TKTL1: variants seen among roughly 807,000 people sequenced by gnomAD.
TKTL1 encodes transketolase like 1, also known as transketolase-like protein 1.
A neutral mutation model predicts 39.3 loss-of-function variants in TKTL1; 1 was observed. The observed-to-expected ratio is 0.03, with a 90% CI of 0.01 to 0.12. TKTL1 has a LOEUF of 0.12. Ranked by LOEUF, TKTL1 falls within the 10% of genes least tolerant of loss-of-function variation. TKTL1 has a pLI of 1.00. For missense variants in TKTL1, 575 were observed against 509.6 expected (o/e 1.13, Z -1.24); for synonymous variants, 262 against 193.8 (o/e 1.35, Z -2.92).
intron 11 of TKTL1, 50 bp downstream of exon 11, chrX:154,327,737 A>G (rs1557172264): frequency 5.1e-6 from 6 of 1,182,242 alleles, no homozygotes; most frequent in Admixed American, 2.2e-5. Context: ...AAGAGGTAGG[A>G]CTTCAGCTAC....
intron 1 of TKTL1, among the ~76,000 whole-genome samples, chrX:154,299,503 T>G (rs1325710689): frequency 3.6e-5 from 4 of 110,717 alleles, no homozygotes; most frequent in African/African-American, 1.3e-4. Context: ...ATAAGTTGTT[T>G]TTGCTTATGT....
intron 1 of TKTL1, among the ~76,000 whole-genome samples, chrX:154,297,483 C>T (rs2067239743): frequency 9.0e-6 from 1 of 110,970 alleles, no homozygotes; most frequent in African/African-American, 3.3e-5. Flanking sequence ...GTCTCGATCT[C>T]CTGACCTCGT....
At position 154,327,965 on chromosome X, in the gene TKTL1, G is replaced by GT. The variant is rs1557172357; in HGVS notation, c.1618+8dup. The GT allele has an allele frequency of 8.3e-7, 1 of 1,210,822 alleles. No homozygotes were observed. Among genetic ancestry groups the GT allele is most frequent in the East Asian group, 3.0e-5 (1 of 33,858 alleles). ...GAGGATCACTACCCGCAAGGTGTGT[G>GT]TGGGCATTGAGAATGCTTTGGAAGG... is the stretch of plus-strand genomic sequence containing the variant. On this transcript the variant is annotated splice_region_variant and intron_variant, in intron 12 of 12. Coordinates refer to ENST00000369915, the MANE Select transcript of TKTL1 (RefSeq NM_012253.4).
At chrX:154,321,060 T>A in intron 8 of TKTL1, 147 bp downstream of exon 8, 1 of 687,592 alleles carries the variant, frequency 1.5e-6, no homozygotes, top group Non-Finnish European at 2.1e-6. Context: ...TATTGTACTT[T>A]AAAAGTGTCA....
chrX:154,328,081 T>C (rs939471332), intron 12 of TKTL1, 123 bp downstream of exon 12: 2 of 905,075 alleles, frequency 2.2e-6, no homozygotes, highest in Non-Finnish European at 3.1e-6. Flanking sequence ...CTTTGTTATT[T>C]GATGTTCACT....
rs889862069 is a variant in TKTL1 at position 154,329,863 on chromosome X, T to C, written c.*175T>C. On this transcript the variant is annotated 3_prime_UTR_variant, in exon 13 of 13. Transcript: ENST00000369915. ...AACTACTTACCCTTTAAACTGTCAC[T>C]GCATATGCAAGTACCGCTCTAATTT... 15 of 475,622 alleles carry C rather than the reference T, an allele frequency of 3.2e-5. No individual in the cohort carries two copies. The highest frequency in any genetic ancestry group is 5.1e-5 in the Non-Finnish European group (15 of 296,379). 39.2% of individuals were successfully genotyped at this position (475,622 alleles called of 1,213,427 possible).
intron 6 of TKTL1, among the ~76,000 whole-genome samples, chrX:154,313,348 G>C (rs1569550957): frequency 8.9e-6 from 1 of 111,878 alleles, no homozygotes; most frequent in South Asian, 3.7e-4. Flanking sequence ...CCTCAAAAAG[G>C]AATCAAATGA....
intron 2 of TKTL1, among the ~76,000 whole-genome samples, chrX:154,308,242 G>A (rs1302182732): frequency 2.7e-5 from 3 of 112,059 alleles, no homozygotes; most frequent in Non-Finnish European, 5.6e-5. Context: ...CAGGGATTTG[G>A]AAGAGGCAGG....
intron 12 of TKTL1, among the ~76,000 whole-genome samples, chrX:154,329,016 G>C (rs2067516875): frequency 8.9e-6 from 1 of 112,395 alleles, no homozygotes; most frequent in African/African-American, 3.2e-5. Context: ...GTGTGTACTG[G>C]GGGCAGGTCC....
At chrX:154,321,125 A>G (rs1035006055) in intron 8 of TKTL1, among the ~76,000 whole-genome samples, 1 of 110,449 alleles carries the variant, frequency 9.1e-6, no homozygotes, top group African/African-American at 3.3e-5. Context: ...TGTTTCAGAC[A>G]GTGAGAAACA....
At position 154,312,524 on chromosome X, in the gene TKTL1, CAT is replaced by C. The variant is rs782589695; in HGVS notation, c.671-54_671-53del. 2.4e-3 allele frequency: 2,721 copies of C among 1,134,139 alleles called. 3 individuals carry two copies. The highest frequency in any genetic ancestry group is 3.0e-3 in the Non-Finnish European group (2,493 of 840,808). The allele number at this position is 1,134,139 out of a possible 1,213,427, so 93.5% of individuals were successfully genotyped here. On this transcript the variant is annotated intron_variant, in intron 5 of 12. Coordinates refer to ENST00000369915, the MANE Select transcript of TKTL1 (RefSeq NM_012253.4). ...TCGGGGTCTGTTTTTCAGGTGACCT[CAT>C]AGGCACTCACTAAATATTTATGGAA...
In TKTL1 at chrX:154,296,080, G is replaced by A. The variant is rs2067224967; in HGVS notation, c.134+87G>A. 5.4e-6 allele frequency: 6 copies of A among 1,116,665 alleles called. No homozygotes were observed. The Admixed American group carries it at 1.2e-4, about 23-fold the overall frequency. 92.0% of individuals were successfully genotyped at this position (1,116,665 alleles called of 1,213,427 possible). A position where few individuals can be genotyped will look rare whatever the true frequency, so the allele number is the denominator to read the frequency against. On this transcript the variant is annotated intron_variant, in intron 1 of 12. Coordinates refer to ENST00000369915, the MANE Select transcript of TKTL1 (RefSeq NM_012253.4). ...GGTGGCCATGAGGCCGTGTGGTGAA[G>A]GGAGAGCCTTCAGAGGCACAATGGG... is the stretch of plus-strand genomic sequence containing the variant.
intron 10 of TKTL1, chrX:154,327,328 C>G: frequency 1.9e-6 from 1 of 523,688 alleles, no homozygotes; most frequent in Non-Finnish European, 3.6e-6. Context: ...GGAGTCCAAT[C>G]TTTGCATGCC....
At chrX:154,305,448 C>T in intron 2 of TKTL1, 27 bp downstream of exon 2, 1 of 1,192,579 alleles carries the variant, frequency 8.4e-7, no homozygotes, top group Non-Finnish European at 1.1e-6. Context: ...CCCAGGGCTG[C>T]TGTGGCGCCT....
chrX:154,316,457 C>T (rs781950734), intron 7 of TKTL1, among the ~76,000 whole-genome samples: 23 of 111,537 alleles, frequency 2.1e-4, no homozygotes, highest in African/African-American at 6.5e-4. Context: ...CCCAGCTACT[C>T]GGGACTCTAA....
rs375002038 is a variant in TKTL1 at position 154,327,349 on chromosome X, C to T, written c.1402-242C>T. On this transcript the variant is annotated intron_variant, in intron 10 of 12. Transcript: ENST00000369915. The stretch of plus-strand genomic sequence containing the variant: ...CAATCTTTGCATGCCATAGTGAGCT[C>T]TCAAACCAGACTCCTGATGGGTATG... 1.1e-5 allele frequency: 6 copies of T among 538,783 alleles called. No individual in the cohort carries two copies. The African/African-American group carries it at 1.1e-4, about 10-fold the overall frequency. 44.4% of individuals were successfully genotyped at this position (538,783 alleles called of 1,213,427 possible).
intron 1 of TKTL1, among the ~76,000 whole-genome samples, chrX:154,299,538 C>T (rs1557165466): frequency 9.1e-6 from 1 of 110,478 alleles, no homozygotes; most frequent in African/African-American, 3.3e-5. Context: ...TTGGTGAATT[C>T]TGAGATTTTA....
At chrX:154,315,765 C>T (rs1422264019) in intron 7 of TKTL1, among the ~76,000 whole-genome samples, 1 of 112,202 alleles carries the variant, frequency 8.9e-6, no homozygotes, top group African/African-American at 3.2e-5. Context: ...TAATATAGCA[C>T]AGAAATGCAA....
At chrX:154,316,514 C>T (rs1389273713) in intron 7 of TKTL1, among the ~76,000 whole-genome samples, 1 of 111,529 alleles carries the variant, frequency 9.0e-6, no homozygotes, top group Non-Finnish European at 1.9e-5. Context: ...CAATGTACCA[C>T]TGCATTCCAG....
Sources: allele counts gnomAD v4.1 joint callset (sites outside exome capture counted in the v4.1 genomes callset), GRCh38; gene constraint gnomAD v4.1.1; transcripts MANE v1.5; gene names NCBI Gene and HGNC (gene_info 2026-07-23, HGNC 2026-07-21).